The following PCDHGB5 variants were observed in gnomAD, a reference collection of about 807,000 sequenced individuals.
The protein encoded by PCDHGB5 is protocadherin gamma-B5.
A neutral mutation model predicts 62.9 loss-of-function variants in PCDHGB5; 48 were observed. The observed-to-expected ratio is 0.76, with a 90% CI of 0.61 to 0.97. The LOEUF is 0.97. Ranked by LOEUF, PCDHGB5 falls within the 50% of genes least tolerant of loss-of-function variation. The pLI is 0.00. For missense variants in PCDHGB5, 1,118 were observed against 1,198.6 expected (o/e 0.93, Z 0.99); for synonymous variants, 474 against 511.2 (o/e 0.93, Z 0.98).
intron 1 of PCDHGB5, chr5:141,414,511 G>A: frequency 1.2e-6 from 2 of 1,613,972 alleles, no homozygotes; most frequent in African/African-American, 1.3e-5. Context: ...TATGCTACAA[G>A]TGGCAGATAT....
intron 1 of PCDHGB5, chr5:141,410,854 T>C: frequency 2.6e-6 from 1 of 387,418 alleles, no homozygotes; most frequent in Non-Finnish European, 4.2e-6. Flanking sequence ...TTTGTCTTTT[T>C]TTTTTTTTTT....
intron 1 of PCDHGB5, chr5:141,415,230 A>G (rs1222982593): frequency 6.2e-7 from 1 of 1,614,050 alleles, no homozygotes; most frequent in Non-Finnish European, 8.5e-7. Context: ...TCGAGTCTCC[A>G]GCTAACTCTG....
intron 1 of PCDHGB5, chr5:141,408,083 C>G (rs1045548793): frequency 3.5e-6 from 5 of 1,414,460 alleles, no homozygotes; most frequent in Non-Finnish European, 4.7e-6. Context: ...CCCAGCACAG[C>G]GGATTGCCAG....
At position 141,489,125 on chromosome 5, in the gene PCDHGB5, G is replaced by T. The variant is rs537146985; in HGVS notation, c.2398-5682G>T. 1.1e-4 allele frequency: 77 copies of T among 728,124 alleles called. No individual in the cohort carries two copies. The East Asian group carries it at 1.9e-3, about 18-fold the overall frequency. 45.1% of individuals were successfully genotyped at this position (728,124 alleles called of 1,614,324 possible). A position where few individuals can be genotyped will look rare whatever the true frequency, so the allele number is the denominator to read the frequency against. ...CTGCAAGCAGGCAAACCTCCGAGCAGTTTTTAAGAGGCTGGAAGGAGACAT... is the reference window on the plus strand; with the variant it reads ...CTGCAAGCAGGCAAACCTCCGAGCATTTTTTAAGAGGCTGGAAGGAGACAT... On this transcript the variant is annotated intron_variant, in intron 1 of 3. Coordinates refer to ENST00000617380, the MANE Select transcript of PCDHGB5 (RefSeq NM_018925.3). The surrounding 1 kb of genome is among the most constrained non-coding windows in gnomAD (Gnocchi z 4.5).
At chr5:141,404,287 C>A in intron 1 of PCDHGB5, 1 of 1,613,976 alleles carries the variant, frequency 6.2e-7, no homozygotes, top group Non-Finnish European at 8.5e-7. Flanking sequence ...TGACTGACAT[C>A]AATGATAATC....
intron 1 of PCDHGB5, chr5:141,409,594 C>G: frequency 1.2e-6 from 2 of 1,613,900 alleles, no homozygotes; most frequent in Non-Finnish European, 1.7e-6. Flanking sequence ...TGGCCGAGAA[C>G]AACCCGCCAG....
In PCDHGB5 at chr5:141,493,550, T is replaced by C. The variant is rs978188511; in HGVS notation, c.2398-1257T>C. On this transcript the variant is annotated intron_variant, in intron 1 of 3. Coordinates refer to ENST00000617380, the MANE Select transcript of PCDHGB5 (RefSeq NM_018925.3). This position sits in a 1 kb window ranked among gnomAD's most constrained non-coding sequence, Gnocchi z 4.3. Reference sequence around the variant, plus strand: ...ACTTGGCCAGTTATCCTTTTGGAGATTGAGTTCCCCCAGCTCCGTTTCCTC... The same window carrying C: ...ACTTGGCCAGTTATCCTTTTGGAGACTGAGTTCCCCCAGCTCCGTTTCCTC... Among the ~76,000 whole-genome samples the C allele has an allele frequency of 1.3e-5, 2 of 152,172 alleles. No homozygotes were observed. The highest frequency in any genetic ancestry group is 2.4e-5 in the African/African-American group (1 of 41,430).
chr5:141,418,506 A>G, intron 1 of PCDHGB5: 1 of 1,613,978 alleles, frequency 6.2e-7, no homozygotes, highest in Non-Finnish European at 8.5e-7. Flanking sequence ...ACCGCCTTAG[A>G]TGGTGGGGAC....
intron 1 of PCDHGB5, chr5:141,419,669 C>T: frequency 6.2e-7 from 1 of 1,612,840 alleles, no homozygotes; most frequent in Non-Finnish European, 8.5e-7. Context: ...CAATGCCTGG[C>T]TGTCCTACCA....
chr5:141,437,945 C>A (rs1204633193), intron 1 of PCDHGB5, among the ~76,000 whole-genome samples: 1 of 152,112 alleles, frequency 6.6e-6, no homozygotes, highest in Non-Finnish European at 1.5e-5. Flanking sequence ...ACCATATTGG[C>A]CAGAATGGTC....
At chr5:141,450,832 T>TTA (rs764784095) in intron 1 of PCDHGB5, among the ~76,000 whole-genome samples, 6,304 of 142,274 alleles carry the variant, frequency 0.044, 222 homozygotes, top group African/African-American at 0.11. Context: ...TATTATTATT[T>TTA]TTTTTTTTTT....
At chr5:141,407,175 C>T (rs752092856) in intron 1 of PCDHGB5, among the ~76,000 whole-genome samples, 39 of 152,166 alleles carry the variant, frequency 2.6e-4, no homozygotes, top group Non-Finnish European at 5.4e-4. Flanking sequence ...TTATGACATA[C>T]AGACATTTTA....
At position 141,431,321 on chromosome 5, in the gene PCDHGB5, G is replaced by T. The variant is rs112186927; in HGVS notation, c.2397+30797G>T. 1,258 of 1,614,054 alleles carry T rather than the reference G, an allele frequency of 7.8e-4. 11 individuals are homozygous for T. In the African/African-American group the frequency reaches 0.014, roughly 18 times the overall value. Reference sequence around the variant, plus strand: ...CCTCATCGTGCAAAATGGAGCCGACGGTAGTAAGTACCCCGAATTGGTGCT... The same window carrying T: ...CCTCATCGTGCAAAATGGAGCCGACTGTAGTAAGTACCCCGAATTGGTGCT... On this transcript the variant is annotated intron_variant, in intron 1 of 3. Transcript: ENST00000617380. This position sits in a 1 kb window ranked among gnomAD's most constrained non-coding sequence, Gnocchi z 4.8.
Position 141,398,041 on chromosome 5 carries a change from G to T in PCDHGB5, c.-87G>T, listed in dbSNP as rs114009258. On this transcript the variant is annotated 5_prime_UTR_variant, in exon 1 of 4. Coordinates refer to ENST00000617380, the MANE Select transcript of PCDHGB5 (RefSeq NM_018925.3). ...TAAACTGGAACTGGAACTAAAGCCC[G>T]TTCGGAGATCCAAAAATCTACAATA... 1,416 of 1,492,890 alleles carry T rather than the reference G, an allele frequency of 9.5e-4. 9 individuals are homozygous for T. The African/African-American group carries it at 0.016, about 16-fold the overall frequency. 92.5% of individuals were successfully genotyped at this position (1,492,890 alleles called of 1,614,324 possible).
In PCDHGB5 at chr5:141,476,978, C is replaced by G; in HGVS notation, c.2398-17829C>G. 1.2e-6 allele frequency: 2 copies of G among 1,614,256 alleles called. No individual in the cohort carries two copies. Among genetic ancestry groups the G allele is most frequent in the Non-Finnish European group, 1.7e-6 (2 of 1,180,058 alleles). Reference sequence around the variant, plus strand: ...TATTTACTCCTTCGGCAGCCACAACCGCGCCGGCGTGCGGCAACTATTCGC... The same window carrying G: ...TATTTACTCCTTCGGCAGCCACAACGGCGCCGGCGTGCGGCAACTATTCGC... On this transcript the variant is annotated intron_variant, in intron 1 of 3. Transcript: ENST00000617380. This position sits in a 1 kb window ranked among gnomAD's most constrained non-coding sequence, Gnocchi z 7.6.
At chr5:141,433,298 A>G in intron 1 of PCDHGB5, 7 of 1,015,894 alleles carry the variant, frequency 6.9e-6, no homozygotes, top group Non-Finnish European at 1.0e-5. Context: ...GGCTCAAGCA[A>G]TTATCCCACC....
chr5:141,456,888 G>A (rs376401806), intron 1 of PCDHGB5, among the ~76,000 whole-genome samples: 5 of 152,118 alleles, frequency 3.3e-5, no homozygotes, highest in Admixed American at 1.3e-4. Context: ...GCTTGAACCC[G>A]GGAGGCAGAG....
At chr5:141,502,118 G>A (rs897244225) in intron 2 of PCDHGB5, among the ~76,000 whole-genome samples, 3 of 152,108 alleles carry the variant, frequency 2.0e-5, no homozygotes, top group African/African-American at 7.2e-5. Context: ...CCTCAGCCAG[G>A]CCCACAGAGC....
intron 1 of PCDHGB5, among the ~76,000 whole-genome samples, chr5:141,453,518 C>G (rs1347368114): frequency 6.6e-6 from 1 of 152,114 alleles, no homozygotes; most frequent in African/African-American, 2.4e-5. Context: ...CATTCCTCCC[C>G]TATACCTTCT....
Sources: allele counts gnomAD v4.1 joint callset (sites outside exome capture counted in the v4.1 genomes callset), GRCh38; gene constraint gnomAD v4.1.1; non-coding constraint Gnocchi (gnomAD v3.1); transcripts MANE v1.5; gene names NCBI Gene and HGNC (gene_info 2026-07-23, HGNC 2026-07-21).